TUSC3: variants seen among roughly 807,000 people sequenced by gnomAD.
The protein encoded by TUSC3 is tumor suppressor candidate 3.
In TUSC3, 45 loss-of-function variants were observed where a neutral mutation model predicts 44.8. The ratio of observed to expected loss-of-function variants is 1.00; its 90% CI spans 0.79 to 1.29. The LOEUF (loss-of-function observed/expected upper bound fraction) is 1.29. Among genes scored for constraint, TUSC3 ranks in the 50% most tolerant of loss-of-function variants. The pLI is 0.00. For synonymous variants in TUSC3, 212 were observed against 152.9 expected (o/e 1.39, Z -2.85); for missense variants, 519 against 437.9 (o/e 1.19, Z -1.65).
the TUSC3 span, among the ~76,000 whole-genome samples, chr8:15,814,024 G>T: frequency 6.6e-6 from 1 of 152,166 alleles, no homozygotes; most frequent in Non-Finnish European, 1.5e-5. Flanking sequence ...CAAGCTAATA[G>T]CCATTAAATA....
chr8:15,573,202 C>CTCTCTCTCTCTCTATATA (rs1435847916), intron 1 of TUSC3, among the ~76,000 whole-genome samples: 1 of 74,204 alleles, frequency 1.3e-5, no homozygotes, highest in Non-Finnish European at 2.4e-5. Flanking sequence ...CTCTCTCTCT[C>CTCTCTCTCTCTCTATATA]TATATATATA....
chr8:15,545,474 GA>G (rs759327513), intron 1 of TUSC3, among the ~76,000 whole-genome samples: 5 of 151,632 alleles, frequency 3.3e-5, no homozygotes, highest in Non-Finnish European at 7.4e-5. Flanking sequence ...TCTGGAGGGG[GA>G]CTCTGTCTTC....
In TUSC3 at chr8:15,437,449, T is replaced by G. The variant is rs1799963333; in HGVS notation, n.91+20144T>G. On this transcript the variant is annotated intron_variant and non_coding_transcript_variant, in intron 1 of 5. Transcript: ENST00000503191. ...GAGATTCGTGATTTTATTCTGTGGC[T>G]GTTATAAGTGCTTAGAGCTTCTACT... Among the ~76,000 whole-genome samples the G allele has an allele frequency of 2.0e-5, 3 of 152,224 alleles. No homozygotes were observed. In the East Asian group the frequency reaches 5.8e-4, roughly 29 times the overall value.
the TUSC3 span, among the ~76,000 whole-genome samples, chr8:15,844,530 A>G: frequency 6.6e-6 from 1 of 152,174 alleles, no homozygotes; most frequent in Non-Finnish European, 1.5e-5. Flanking sequence ...ATGAGATTAG[A>G]AAAAGATCAC....
At chr8:15,687,643 C>T (rs7841137) in intron 6 of TUSC3, among the ~76,000 whole-genome samples, 74,615 of 151,914 alleles carry the variant, frequency 0.49, 18,519 homozygotes, top group Admixed American at 0.57. Context: ...ACTGCTCTTA[C>T]ACTTCCCTTC....
intron 2 of TUSC3, among the ~76,000 whole-genome samples, chr8:15,506,973 G>A (rs1209785291): frequency 6.6e-6 from 1 of 152,170 alleles, no homozygotes; most frequent in Non-Finnish European, 1.5e-5. Context: ...ATTTCTAGAT[G>A]GCTGTTTATG....
At chr8:15,724,326 G>A (rs569262620) in intron 6 of TUSC3, among the ~76,000 whole-genome samples, 6 of 152,120 alleles carry the variant, frequency 3.9e-5, no homozygotes, top group Non-Finnish European at 7.4e-5. Flanking sequence ...ACTAAGACAC[G>A]CAGTAAAAAT....
At chr8:15,523,650 A>G (rs1159949266) in intron 2 of TUSC3, among the ~76,000 whole-genome samples, 1 of 44,096 alleles carries the variant, frequency 2.3e-5, no homozygotes, top group Non-Finnish European at 4.6e-5. Context: ...ATATATATAT[A>G]TATATATATA....
chr8:15,849,354 A>C, the TUSC3 span, among the ~76,000 whole-genome samples: 4 of 152,166 alleles, frequency 2.6e-5, no homozygotes, highest in African/African-American at 4.8e-5. Context: ...GGGGAGTTGC[A>C]CAGACACAAA....
the TUSC3 span, among the ~76,000 whole-genome samples, chr8:15,787,924 A>G: frequency 6.6e-6 from 1 of 152,242 alleles, no homozygotes; most frequent in South Asian, 2.1e-4. Context: ...GAATGAGGTT[A>G]TGTAGTCATA....
intron 2 of TUSC3, among the ~76,000 whole-genome samples, chr8:15,521,500 T>C (rs1026718781): frequency 2.0e-5 from 3 of 152,190 alleles, no homozygotes; most frequent in African/African-American, 7.2e-5. Flanking sequence ...TATTGGAGAC[T>C]GGCACATGAT....
intron 6 of TUSC3, among the ~76,000 whole-genome samples, chr8:15,686,101 A>G (rs1808617192): frequency 6.6e-6 from 1 of 152,192 alleles, no homozygotes; most frequent in African/African-American, 2.4e-5. Context: ...GCACAAGTCA[A>G]GTACTAATGG....
intron 6 of TUSC3, among the ~76,000 whole-genome samples, chr8:15,677,434 A>G (rs1808238667): frequency 6.6e-6 from 1 of 152,232 alleles, no homozygotes; most frequent in African/African-American, 2.4e-5. Context: ...TTTGTCCTGA[A>G]GTGTGCAGGC....
chr8:15,843,778 G>C, the TUSC3 span, among the ~76,000 whole-genome samples: 1 of 151,898 alleles, frequency 6.6e-6, no homozygotes, highest in Non-Finnish European at 1.5e-5. Context: ...TATATACTTA[G>C]TACTGGGGAT....
chr8:15,531,777 C>T (rs1409751687), intron 2 of TUSC3, among the ~76,000 whole-genome samples: 1 of 152,180 alleles, frequency 6.6e-6, no homozygotes, highest in East Asian at 1.9e-4. Context: ...ACATTTCCTC[C>T]ATGTTTTCTC....
chr8:15,663,119 T>C (rs912112537), intron 5 of TUSC3, among the ~76,000 whole-genome samples: 2 of 151,678 alleles, frequency 1.3e-5, no homozygotes, highest in African/African-American at 2.4e-5. Context: ...TCAGTTATAA[T>C]TGAAAATAAA....
At chr8:15,605,678 G>A (rs1162160787) in intron 1 of TUSC3, among the ~76,000 whole-genome samples, 4 of 151,760 alleles carry the variant, frequency 2.6e-5, no homozygotes, top group East Asian at 1.9e-4. Context: ...TATTTTCATC[G>A]TTTAGTACCA....
At chr8:15,774,626 G>A in the TUSC3 span, among the ~76,000 whole-genome samples, 1 of 152,070 alleles carries the variant, frequency 6.6e-6, no homozygotes, top group Admixed American at 6.6e-5. Flanking sequence ...TCCATTTTGT[G>A]GTACTTTGTT....
At chr8:15,822,194 G>T in the TUSC3 span, among the ~76,000 whole-genome samples, 2 of 152,044 alleles carry the variant, frequency 1.3e-5, no homozygotes, top group Non-Finnish European at 2.9e-5. Flanking sequence ...GAAAAAAACG[G>T]GTGAACTGTC....
Sources: allele counts gnomAD v4.1 joint callset (sites outside exome capture counted in the v4.1 genomes callset), GRCh38; gene constraint gnomAD v4.1.1; transcripts MANE v1.5; gene names NCBI Gene and HGNC (gene_info 2026-07-23, HGNC 2026-07-21).